Variants in FCSK observed in about 807,000 individuals in gnomAD.
FCSK encodes the protein fucose kinase.
A neutral mutation model predicts 122.5 loss-of-function variants in FCSK; 123 were observed. The observed-to-expected ratio is 1.00, with a 90% confidence interval of 0.87 to 1.17. FCSK has a LOEUF of 1.17. FCSK is among the 50% of genes most tolerant of loss of function. The pLI, the probability that FCSK is intolerant of heterozygous loss-of-function variation, is 0.00. For missense variants in FCSK, 1,366 were observed against 1,450.4 expected, an observed-to-expected ratio of 0.94 and a Z score of 0.95; for synonymous variants, 620 against 625.5, an observed-to-expected ratio of 0.99 and a Z score of 0.13.
intron 14 of FCSK, 123 bp from the exon 15 acceptor site, chr16:70,472,860 G>A: frequency 8.0e-7 from 1 of 1,250,646 alleles, no homozygotes; most frequent in East Asian, 2.6e-5. Flanking sequence ...GACCTGAATT[G>A]CCCACTTATG....
chr16:70,465,777 C>T (rs2151709076), intron 4 of FCSK, among the ~76,000 whole-genome samples: 1 of 152,046 alleles, frequency 6.6e-6, no homozygotes, highest in South Asian at 2.1e-4. Context: ...CATGGTGAAA[C>T]TCTGTCTTTA....
chr16:70,468,990 G>T, intron 9 of FCSK, 22 bp downstream of exon 9: 2 of 1,611,814 alleles, frequency 1.2e-6, no homozygotes, highest in Non-Finnish European at 1.7e-6. Context: ...AGGGCAGCTA[G>T]GTGGGGCCTG....
chr16:70,461,614 G>A (rs749495099), intron 1 of FCSK, among the ~76,000 whole-genome samples: 15 of 152,186 alleles, frequency 9.9e-5, no homozygotes, highest in Non-Finnish European at 1.9e-4. Flanking sequence ...GCCTGCTCCT[G>A]CAGCTCTGAG....
intron 1 of FCSK, among the ~76,000 whole-genome samples, chr16:70,461,933 A>G (rs2048279188): frequency 6.6e-6 from 1 of 152,210 alleles, no homozygotes; most frequent in African/African-American, 2.4e-5. Context: ...GGTTCATAGC[A>G]GGACTATTCA....
At chr16:70,469,039 C>A in intron 9 of FCSK, 71 bp downstream of exon 9, 1 of 1,606,636 alleles carries the variant, frequency 6.2e-7, no homozygotes, top group South Asian at 1.1e-5. Flanking sequence ...AGGCCAGCCA[C>A]TTCCCCTCTC....
At chr16:70,463,799 C>A (rs1303484099) in intron 3 of FCSK, 25 bp downstream of exon 3, 1 of 1,587,486 alleles carries the variant, frequency 6.3e-7, no homozygotes, top group Non-Finnish European at 8.6e-7. Flanking sequence ...GGGCCACCTC[C>A]CTGGTCTGTG....
chr16:70,472,569 T>G lies in FCSK; in HGVS notation c.1370T>G (p.Val457Gly). 6.2e-7 allele frequency: 1 copy of G among 1,613,292 alleles called. No homozygotes were observed. The highest frequency in any genetic ancestry group is 2.2e-5 in the East Asian group (1 of 44,834). ...CAGGGGGCAGGCACATATCTCAACGTGCCCTGGAGTGAATTCTTCAAGAGG... is the reference window on the plus strand; with the variant it reads ...CAGGGGGCAGGCACATATCTCAACGGGCCCTGGAGTGAATTCTTCAAGAGG... ...ERQGAGTYLN[V>G]PWSEFFKRTG... The change falls in exon 14 of 24, where the codon GTG becomes GGG. Residue 457 changes from valine to glycine, a missense_variant. By Grantham distance (109) the Val-to-Gly change is moderately radical (BLOSUM62 -3). Transcript: ENST00000288078.
intron 7 of FCSK, 42 bp from the exon 8 acceptor site, chr16:70,467,844 C>G: frequency 6.4e-7 from 1 of 1,564,744 alleles, no homozygotes; most frequent in Non-Finnish European, 8.8e-7. Flanking sequence ...TTCCAGATCC[C>G]TTCCTGCTCC....
rs1213415727 is a variant in FCSK at position 70,467,866 on chromosome 16, C to G, written c.583-20C>G. 2 of 1,607,802 alleles carry G rather than the reference C, an allele frequency of 1.2e-6. No homozygotes were observed. Among genetic ancestry groups the G allele is most frequent in the Admixed American group, 1.7e-5 (1 of 60,006 alleles). ...TCCCTTCCTGCTCCCTCCGCTGATTCTGTTTCTCCCTGCACATAGGGCCTT... is the reference window on the plus strand; with the variant it reads ...TCCCTTCCTGCTCCCTCCGCTGATTGTGTTTCTCCCTGCACATAGGGCCTT... On this transcript the variant is annotated intron_variant, in intron 7 of 23. Transcript: ENST00000288078.
rs1489100765 is a variant in FCSK at position 70,467,316 on chromosome 16, G to A, written c.485-58G>A. 2.4e-6 allele frequency: 3 copies of A among 1,268,434 alleles called. No individual in the cohort carries two copies. The African/African-American group carries it at 4.5e-5, about 19-fold the overall frequency. The allele number at this position is 1,268,434 out of a possible 1,614,324, so 78.6% of individuals were successfully genotyped here. ...CTGGGCTCTTGCTTCCACCTGGTGG[G>A]GAAATCCGTGCCTTGGGTGGAGGCC... On this transcript the variant is annotated intron_variant, in intron 6 of 23. Coordinates refer to ENST00000288078, the MANE Select transcript of FCSK (RefSeq NM_145059.3).
chr16:70,463,871 A>C, intron 3 of FCSK, 97 bp downstream of exon 3: 1 of 1,309,808 alleles, frequency 7.6e-7, no homozygotes, highest in Middle Eastern at 2.6e-4. Flanking sequence ...CGCCTTGGCC[A>C]ACTCAGCATT....
chr16:70,479,099 C>T (rs981363411), intron 22 of FCSK, 81 bp from the exon 23 acceptor site: 27 of 1,085,116 alleles, frequency 2.5e-5, no homozygotes, highest in Non-Finnish European at 3.0e-5. Context: ...CTCAGCAGCA[C>T]GTCTTGGCAC....
Position 70,479,421 on chromosome 16 carries a change from G to T in FCSK, c.3153+18G>T. On this transcript the variant is annotated intron_variant, in intron 23 of 23. Transcript: ENST00000288078. The stretch of plus-strand genomic sequence containing the variant: ...AGACCGAGGTACTGATGGGGCTGGG[G>T]TTGGTAAAGAGACCTCTGGGGGCAA... The T allele has an allele frequency of 6.2e-7, 1 of 1,604,282 alleles. No homozygotes were observed. The highest frequency in any genetic ancestry group is 1.3e-5 in the African/African-American group (1 of 74,792).
At position 70,463,253 on chromosome 16, in the gene FCSK, T is replaced by C. The variant is rs2048322699; in HGVS notation, c.63T>C (p.Ser21=). ...TCCTGACCTGCCAGTACAAGGACAG[T>C]GTCCAGGTCTTTCAGAGAGGTAGGG... is the stretch of plus-strand genomic sequence containing the variant. The part of the protein sequence containing the change: ...VIILTCQYKD[S]VQVFQRELEV... The change falls in exon 2 of 24, where the codon AGT becomes AGC. Residue 21 remains serine (S), a synonymous_variant. Coordinates refer to ENST00000288078, the MANE Select transcript of FCSK (RefSeq NM_145059.3). 5 of 1,613,842 alleles carry C rather than the reference T, an allele frequency of 3.1e-6. No homozygotes were observed.
In FCSK at chr16:70,469,305, G is replaced by T. The variant is rs372969081; in HGVS notation, c.937G>T (p.Asp313Tyr). ...ARAQLWRELR[D>Y]QPLTMAYVSS... ...GGCCCAGCTGTGGAGGGAGCTTCGC[G>T]ATCAGCCCCTTACCATGGGTGGGTA... Residue 313 changes from aspartate (D) to tyrosine (Y), a missense_variant, in exon 10 of 24, where the codon GAT becomes TAT. Transcript: ENST00000288078. The T allele has an allele frequency of 1.9e-6, 3 of 1,604,460 alleles. No individual in the cohort carries two copies. Among genetic ancestry groups the T allele is most frequent in the South Asian group, 1.1e-5 (1 of 90,170 alleles).
At chr16:70,467,634 C>A in intron 7 of FCSK, 163 bp downstream of exon 7, 1 of 652,660 alleles carries the variant, frequency 1.5e-6, no homozygotes, top group Non-Finnish European at 2.7e-6. Flanking sequence ...CCCTTACTCT[C>A]GCCAAAAATA....
intron 7 of FCSK, 38 bp downstream of exon 7, chr16:70,467,509 C>G (rs199518013): frequency 4.1e-5 from 62 of 1,496,742 alleles, no homozygotes; most frequent in Non-Finnish European, 4.4e-5. Flanking sequence ...GCTGGGGCAG[C>G]CTTCCTCCTG....
chr16:70,471,923 A>G (rs2048636388), intron 13 of FCSK, among the ~76,000 whole-genome samples: 1 of 150,594 alleles, frequency 6.6e-6, no homozygotes, highest in Admixed American at 6.6e-5. Flanking sequence ...TTCCTGCCTC[A>G]GCCTCCTGAG....
chr16:70,478,286 G>C lies in FCSK; in HGVS notation c.2656G>C (p.Asp886His). The C allele has an allele frequency of 6.2e-7, 1 of 1,614,054 alleles. No homozygotes were observed. The highest frequency in any genetic ancestry group is 8.5e-7 in the Non-Finnish European group (1 of 1,180,022). Reference protein sequence around the residue: ...QVLTTGGGWQDQVGGLMPGIK... With the variant: ...QVLTTGGGWQHQVGGLMPGIK... The stretch of plus-strand genomic sequence containing the variant: ...TGGGCTCACAGGAGGTGGCTGGCAG[G>C]ACCAAGTAGGTGGCCTAATGCCTGG... The change falls in exon 21 of 24, where the codon GAC (aspartate) becomes CAC (histidine). Residue 886 changes from aspartate (D) to histidine (H), a missense_variant. Physicochemically the swap from Asp to His is moderately conservative, Grantham distance 81. Transcript: ENST00000288078.
Sources: allele counts gnomAD v4.1 joint callset (sites outside exome capture counted in the v4.1 genomes callset), GRCh38; gene constraint gnomAD v4.1.1; transcripts MANE v1.5; gene names NCBI Gene and HGNC (gene_info 2026-07-23, HGNC 2026-07-21).